NINJ1: variants seen among roughly 807,000 people sequenced by gnomAD.
NINJ1 encodes ninjurin 1, also known as ninjurin-1.
In NINJ1, 6 loss-of-function variants were observed where a neutral mutation model predicts 12.7. The ratio of observed to expected loss-of-function variants is 0.47; its 90% CI spans 0.26 to 0.93. The LOEUF (loss-of-function observed/expected upper bound fraction) is 0.93. NINJ1 is among the 40% of genes least tolerant of loss of function. The pLI is 0.15. For synonymous variants in NINJ1, 100 were observed against 96.0 expected (o/e 1.04, Z -0.25); for missense variants, 170 against 213.0 (o/e 0.80, Z 1.26).
At chr9:93,134,026 G>A (rs1024053820) in intron 1 of NINJ1, 117 bp downstream of exon 1, 2 of 703,672 alleles carry the variant, frequency 2.8e-6, no homozygotes, top group Non-Finnish European at 4.3e-6. Flanking sequence ...GCCTAGAGCG[G>A]GACGTCCCCC....
At chr9:93,124,115 C>T (rs189429929) in intron 3 of NINJ1, among the ~76,000 whole-genome samples, 4 of 152,346 alleles carry the variant, frequency 2.6e-5, no homozygotes, top group Admixed American at 1.3e-4. Flanking sequence ...TGAATCCCAC[C>T]GTCCTGGTCA....
intron 1 of NINJ1, among the ~76,000 whole-genome samples, chr9:93,132,669 G>A (rs1254351795): frequency 6.6e-6 from 1 of 152,200 alleles, no homozygotes; most frequent in Admixed American, 6.5e-5. Context: ...CTCCAACCGC[G>A]GCTTGGTGGG....
At chr9:93,128,038 A>C (rs1180354620) in intron 1 of NINJ1, among the ~76,000 whole-genome samples, 1 of 152,204 alleles carries the variant, frequency 6.6e-6, no homozygotes, top group Non-Finnish European at 1.5e-5. Context: ...AGTGGGCGTC[A>C]GGGGACACTG....
At chr9:93,128,085 C>T (rs979883467) in intron 1 of NINJ1, among the ~76,000 whole-genome samples, 1 of 152,214 alleles carries the variant, frequency 6.6e-6, no homozygotes, top group South Asian at 2.1e-4. Context: ...CTGGGAATTC[C>T]AACAACCTGC....
Position 93,126,546 on chromosome 9 carries a change from C to T in NINJ1, c.168G>A (p.Leu56=), listed in dbSNP as rs1269545520. The T allele has an allele frequency of 3.7e-6, 6 of 1,614,034 alleles. No homozygotes were observed. Residue 56 remains leucine (L), a synonymous_variant, in exon 2 of 4, where the codon CTG becomes CTA. Coordinates refer to ENST00000375446, the MANE Select transcript of NINJ1 (RefSeq NM_004148.4). The part of the protein sequence containing the change: ...SAAESMLDIA[L]LMANASQLKA... ...TCAGCTGGGACGCGTTGGCCATCAG[C>T]AGCGCGATGTCCAGCATGCTCTCGG... is the stretch of plus-strand genomic sequence containing the variant.
At chr9:93,128,304 C>G (rs1295184738) in intron 1 of NINJ1, among the ~76,000 whole-genome samples, 1 of 152,216 alleles carries the variant, frequency 6.6e-6, no homozygotes, top group African/African-American at 2.4e-5. Context: ...GGGATTCCCC[C>G]AGGCCCCAGC....
Position 93,126,485 on chromosome 9 carries a change from A to G in NINJ1, c.229T>C (p.Tyr77His). ...VVEQGPSFAFYVPLVVLISIS... is the reference protein window; with the variant it reads ...VVEQGPSFAFHVPLVVLISIS... ...GAGATGAGGACCACCAGGGGCACAT[A>G]GAAGGCGAAGCTGGGGCCCTGTTCC... The change falls in exon 2 of 4, where the codon TAT (tyrosine) becomes CAT (histidine). Residue 77 changes from tyrosine (Y) to histidine (H), a missense_variant. By Grantham distance (83) the Tyr-to-His change is moderately conservative (BLOSUM62 2). Transcript: ENST00000375446. The G allele has an allele frequency of 1.9e-6, 3 of 1,614,230 alleles. No individual in the cohort carries two copies. Among genetic ancestry groups the G allele is most frequent in the Non-Finnish European group, 2.5e-6 (3 of 1,180,042 alleles).
At chr9:93,127,636 G>A (rs1441570628) in intron 1 of NINJ1, among the ~76,000 whole-genome samples, 1 of 152,212 alleles carries the variant, frequency 6.6e-6, no homozygotes, top group Non-Finnish European at 1.5e-5. Flanking sequence ...TGCCCTGGTG[G>A]GGCCCTCTTC....
At position 93,133,459 on chromosome 9, in the gene NINJ1, G is replaced by T. The variant is rs1827927131; in HGVS notation, c.75+684C>A. On this transcript the variant is annotated intron_variant, in intron 1 of 3. Coordinates refer to ENST00000375446, the MANE Select transcript of NINJ1 (RefSeq NM_004148.4). ...CTCAGTAAGTGCTGAGTCCTGGGAT[G>T]AAGAATTCTGAAGCGGGACCACTAC... is the stretch of plus-strand genomic sequence containing the variant. Among the ~76,000 whole-genome samples, 4 of 152,374 alleles carry T rather than the reference G, an allele frequency of 2.6e-5. No homozygotes were observed. The South Asian group carries it at 8.3e-4, about 32-fold the overall frequency.
At chr9:93,133,009 T>C (rs904734159) in intron 1 of NINJ1, among the ~76,000 whole-genome samples, 3 of 152,112 alleles carry the variant, frequency 2.0e-5, no homozygotes, top group Admixed American at 1.3e-4. Flanking sequence ...CCCAGCGAGG[T>C]GTGGCAACTT....
At chr9:93,133,952 T>TTGCCGGGGGTGGCTGGAGC (rs1365588643) in intron 1 of NINJ1, among the ~76,000 whole-genome samples, 191 bp downstream of exon 1, 1 of 152,084 alleles carries the variant, frequency 6.6e-6, no homozygotes. Context: ...TCCCGCCCAC[T>TTGCCGGGGGTGGCTGGAGC]TGCCGGGGGT....
intron 1 of NINJ1, among the ~76,000 whole-genome samples, chr9:93,127,608 A>C (rs1193172391): frequency 6.6e-6 from 1 of 152,238 alleles, no homozygotes; most frequent in Non-Finnish European, 1.5e-5. Context: ...CTGGAGCAAG[A>C]GTCTGCCCCT....
intron 1 of NINJ1, among the ~76,000 whole-genome samples, chr9:93,130,217 C>T (rs1827871137): frequency 2.0e-5 from 3 of 152,122 alleles, no homozygotes; most frequent in South Asian, 2.1e-4. Context: ...TGTGTAGGGG[C>T]GTGGCTGGCT....
At chr9:93,127,820 T>G (rs1462615502) in intron 1 of NINJ1, among the ~76,000 whole-genome samples, 3 of 152,178 alleles carry the variant, frequency 2.0e-5, no homozygotes, top group African/African-American at 7.2e-5. Context: ...AGATCCTGTT[T>G]CCAGACTCAT....
intron 1 of NINJ1, among the ~76,000 whole-genome samples, chr9:93,128,698 G>T (rs1306050699): frequency 1.3e-5 from 2 of 152,202 alleles, no homozygotes; most frequent in Non-Finnish European, 2.9e-5. Context: ...GCTCATTCGG[G>T]TCTCCATCCC....
chr9:93,122,400 G>A (rs1587662114), intron 3 of NINJ1, among the ~76,000 whole-genome samples, 170 bp from the exon 4 acceptor site: 1 of 148,980 alleles, frequency 6.7e-6, no homozygotes, highest in African/African-American at 2.5e-5. Context: ...AGGAAGAGGA[G>A]AGGGTCTGAG....
chr9:93,129,861 T>C (rs1214020572), intron 1 of NINJ1, among the ~76,000 whole-genome samples: 1 of 152,178 alleles, frequency 6.6e-6, no homozygotes, highest in Non-Finnish European at 1.5e-5. Context: ...CTAACCTTGG[T>C]ACTCTGGGCC....
chr9:93,134,039 C>G (rs1381905940), intron 1 of NINJ1, 104 bp downstream of exon 1: 22 of 855,934 alleles, frequency 2.6e-5, no homozygotes, highest in Non-Finnish European at 3.8e-5. Context: ...CGTCCCCCAA[C>G]ACTCTGCAGT....
chr9:93,132,426 C>T (rs1354174918), intron 1 of NINJ1, among the ~76,000 whole-genome samples: 1 of 152,192 alleles, frequency 6.6e-6, no homozygotes, highest in African/African-American at 2.4e-5. Context: ...TGTGGTCCAG[C>T]CTCTGAGCCT....
Sources: gnomAD v4.1 joint callset for allele counts (sites outside exome capture counted in the v4.1 genomes callset) on GRCh38, gnomAD v4.1.1 for gene constraint, MANE v1.5 for transcripts, NCBI Gene and HGNC (gene_info 2026-07-23, HGNC 2026-07-21) for gene names.